PAPPA2: variants seen among roughly 807,000 people sequenced by gnomAD.
PAPPA2 encodes pappalysin-2.
PAPPA2 carries 86 observed loss-of-function variants against 176.4 expected under a neutral mutation model. The ratio of observed to expected loss-of-function variants is 0.49; its 90% confidence interval spans 0.41 to 0.58. The LOEUF (loss-of-function observed/expected upper bound fraction) is 0.58. PAPPA2 is among the 20% of genes least tolerant of loss of function. The pLI, the probability that PAPPA2 is intolerant of heterozygous loss-of-function variation, is 0.00. For synonymous variants in PAPPA2, 809 were observed against 852.2 expected (o/e 0.95, Z 0.88); for missense variants, 2,073 against 2,256.9 (o/e 0.92, Z 1.65).
intron 21 of PAPPA2, among the ~76,000 whole-genome samples, chr1:176,809,897 G>A (rs945729494): frequency 6.6e-6 from 1 of 151,434 alleles, no homozygotes; most frequent in Admixed American, 6.6e-5. Context: ...CCTTTCAGAG[G>A]AAGGGGTTTG....
chr1:176,765,101 G>A (rs556610895), intron 14 of PAPPA2, among the ~76,000 whole-genome samples: 2 of 152,364 alleles, frequency 1.3e-5, no homozygotes, highest in African/African-American at 2.4e-5. Flanking sequence ...TCAGTGGTAT[G>A]TACTGCTATG....
chr1:176,591,911 T>C (rs973216708), intron 2 of PAPPA2, among the ~76,000 whole-genome samples: 6 of 152,240 alleles, frequency 3.9e-5, no homozygotes, highest in African/African-American at 1.4e-4. Context: ...TTGCTAACTT[T>C]CCTTCACTGG....
At chr1:176,589,085 A>T (rs979246173) in intron 2 of PAPPA2, among the ~76,000 whole-genome samples, 1 of 152,316 alleles carries the variant, frequency 6.6e-6, no homozygotes, top group South Asian at 2.1e-4. Context: ...AACTCAAGTA[A>T]TGGAAAGAAG....
chr1:176,800,263 T>A, intron 21 of PAPPA2, 131 bp downstream of exon 21: 1 of 827,138 alleles, frequency 1.2e-6, no homozygotes, highest in Non-Finnish European at 1.8e-6. Context: ...CTTCTTAAAT[T>A]AAGTTGGTTC....
At chr1:176,572,188 C>T (rs189584749) in intron 2 of PAPPA2, among the ~76,000 whole-genome samples, 1 of 152,290 alleles carries the variant, frequency 6.6e-6, no homozygotes, top group East Asian at 1.9e-4. Context: ...TAATTTAAGC[C>T]TCTTACTGGA....
At chr1:176,466,897 G>C (rs1235213350) in intron 1 of PAPPA2, among the ~76,000 whole-genome samples, 1 of 152,208 alleles carries the variant, frequency 6.6e-6, no homozygotes, top group African/African-American at 2.4e-5. Context: ...TCTGGTGTTA[G>C]GCTCACCTGT....
intron 1 of PAPPA2, among the ~76,000 whole-genome samples, chr1:176,503,591 A>T (rs1031236928): frequency 1.3e-5 from 2 of 152,144 alleles, no homozygotes; most frequent in East Asian, 3.9e-4. Context: ...TAGGTGTGAA[A>T]TTTCCTGATT....
chr1:176,703,918 GAC>G (rs1660766957), intron 9 of PAPPA2, among the ~76,000 whole-genome samples: 1 of 152,178 alleles, frequency 6.6e-6, no homozygotes, highest in East Asian at 1.9e-4. Flanking sequence ...AAGTCCACTT[GAC>G]ACTGTTGTTG....
chr1:176,777,251 TA>T (rs1212261583), intron 17 of PAPPA2, among the ~76,000 whole-genome samples: 1 of 152,134 alleles, frequency 6.6e-6, no homozygotes, highest in Admixed American at 6.6e-5. Context: ...AGTGATATAT[TA>T]AAACACAAAT....
In PAPPA2 at chr1:176,556,653, C is replaced by G; in HGVS notation, c.331C>G (p.Leu111Val). 6.2e-7 allele frequency: 1 copy of G among 1,614,178 alleles called. No individual in the cohort carries two copies. Among genetic ancestry groups the G allele is most frequent in the Non-Finnish European group, 8.5e-7 (1 of 1,180,042 alleles). The change falls in exon 2 of 23, where the codon CTG becomes GTG. Residue 111 changes from leucine (L) to valine (V), a missense_variant. Transcript: ENST00000367662. ...TGCTGTGAGCCTTGTTCCCCCAGAC[C>G]TGACTGAAAATCCAGCAGGACTGAG... Reference protein sequence around the residue: ...GNAVSLVPPDLTENPAGLRGA... With the variant: ...GNAVSLVPPDVTENPAGLRGA...
intron 10 of PAPPA2, among the ~76,000 whole-genome samples, chr1:176,706,990 A>T (rs1008480162): frequency 2.0e-5 from 3 of 152,176 alleles, no homozygotes; most frequent in Non-Finnish European, 4.4e-5. Context: ...ACTGGTAAAA[A>T]TTTTAACTTT....
At chr1:176,675,493 T>TA (rs1423481477) in intron 4 of PAPPA2, among the ~76,000 whole-genome samples, 1 of 151,976 alleles carries the variant, frequency 6.6e-6, no homozygotes, top group African/African-American at 2.4e-5. Context: ...TAAAAATAGA[T>TA]ACCAGTAAGA....
At chr1:176,501,183 G>A (rs920997802) in intron 1 of PAPPA2, among the ~76,000 whole-genome samples, 1 of 151,676 alleles carries the variant, frequency 6.6e-6, no homozygotes, top group African/African-American at 2.4e-5. Context: ...CACAGAAGTA[G>A]CAGCATGAAA....
intron 15 of PAPPA2, among the ~76,000 whole-genome samples, chr1:176,769,229 C>T (rs1664111684): frequency 6.6e-6 from 1 of 152,204 alleles, no homozygotes; most frequent in Non-Finnish European, 1.5e-5. Flanking sequence ...GCTGCTGACA[C>T]TGTGTCCTGG....
chr1:176,635,093 G>A (rs1039519155), intron 3 of PAPPA2, among the ~76,000 whole-genome samples: 1 of 152,092 alleles, frequency 6.6e-6, no homozygotes, highest in African/African-American at 2.4e-5. Flanking sequence ...CAAAAGAGGA[G>A]CTACCTAAGA....
chr1:176,643,472 G>A (rs1657214897), intron 3 of PAPPA2, among the ~76,000 whole-genome samples: 1 of 150,852 alleles, frequency 6.6e-6, no homozygotes, highest in Admixed American at 6.6e-5. Context: ...TTGTTCACAG[G>A]CCATATAAAA....
intron 7 of PAPPA2, among the ~76,000 whole-genome samples, chr1:176,696,699 A>G (rs958363228): frequency 2.0e-5 from 3 of 152,180 alleles, no homozygotes; most frequent in African/African-American, 7.2e-5. Context: ...CCTAATTATC[A>G]TCTTTTTTCT....
intron 2 of PAPPA2, among the ~76,000 whole-genome samples, chr1:176,559,171 C>T (rs943947716): frequency 3.9e-5 from 6 of 152,178 alleles, no homozygotes; most frequent in African/African-American, 7.2e-5. Context: ...CTAAAGTGCC[C>T]GTCTGAACTC....
chr1:176,784,279 G>A (rs184546681), intron 17 of PAPPA2, among the ~76,000 whole-genome samples: 1 of 152,314 alleles, frequency 6.6e-6, no homozygotes, highest in East Asian at 1.9e-4. Context: ...ACTTCAAGGA[G>A]TCGTTTGGTT....
Sources: allele counts gnomAD v4.1 joint callset (sites outside exome capture counted in the v4.1 genomes callset), GRCh38; gene constraint gnomAD v4.1.1; transcripts MANE v1.5; gene names NCBI Gene and HGNC (gene_info 2026-07-23, HGNC 2026-07-21).